The following EXOC7 variants were observed in gnomAD, a reference collection of about 807,000 sequenced individuals.
The protein encoded by EXOC7 is exocyst complex component 7, also known as exocyst complex component Exo70.
In EXOC7, 51 loss-of-function variants were observed where a neutral mutation model predicts 87.6. The ratio of observed to expected loss-of-function variants is 0.58; its 90% CI spans 0.46 to 0.73. The LOEUF is 0.73. Ranked by LOEUF, EXOC7 falls within the 30% of genes least tolerant of loss-of-function variation. The pLI is 0.00. For missense variants in EXOC7, 744 were observed against 888.4 expected, an observed-to-expected ratio of 0.84 and a Z score of 2.07; for synonymous variants, 327 against 357.1, an observed-to-expected ratio of 0.92 and a Z score of 0.95.
At chr17:76,100,881 T>C (rs2068025592) in intron 4 of EXOC7, 1 of 152,980 alleles carries the variant, frequency 6.5e-6, no homozygotes, top group African/African-American at 2.4e-5. Context: ...CTTGGGAGGC[T>C]GAGGTGGGAG....
intron 5 of EXOC7, among the ~76,000 whole-genome samples, chr17:76,096,358 T>C (rs1463335030): frequency 6.6e-6 from 1 of 151,724 alleles, no homozygotes; most frequent in Non-Finnish European, 1.5e-5. Context: ...TACCAAAAAA[T>C]ACAAAAATTA....
Position 76,094,488 on chromosome 17 carries a change from G to A in EXOC7, c.734C>T (p.Ser245Phe). The change falls in exon 6 of 19, where the codon TCT (serine) becomes TTT (phenylalanine). Residue 245 changes from serine to phenylalanine, a missense_variant. Ser to Phe is a radical substitution (Grantham distance 155). Coordinates refer to ENST00000589210, the MANE Select transcript of EXOC7 (RefSeq NM_001013839.4). ...GATAGCAGGGGAGTAGGGAACCCCA[G>A]AGGAAGAACTGCTCTTATGGAAATG... is the stretch of plus-strand genomic sequence containing the variant. ...KEHFHKSSSS[S>F]GVPYSPAIPN... 1.9e-6 allele frequency: 3 copies of A among 1,614,184 alleles called. No individual in the cohort carries two copies. The highest frequency in any genetic ancestry group is 2.2e-5 in the East Asian group (1 of 44,884).
intron 7 of EXOC7, 71 bp from the exon 8 acceptor site, chr17:76,089,391 TC>T: frequency 6.4e-7 from 1 of 1,569,550 alleles, no homozygotes; most frequent in Non-Finnish European, 8.7e-7. Flanking sequence ...GCGGCGTGGG[TC>T]CCCCAGCTCC....
intron 5 of EXOC7, among the ~76,000 whole-genome samples, chr17:76,094,811 T>C (rs771041698): frequency 1.3e-5 from 2 of 151,916 alleles, no homozygotes; most frequent in African/African-American, 2.4e-5. Context: ...AGTGGCACGA[T>C]GTCAGCTCAC....
Position 76,084,234 on chromosome 17 carries a change from G to T in EXOC7, c.1818+14C>A, listed in dbSNP as rs1220415268. 1 of 1,611,014 alleles carries T rather than the reference G, an allele frequency of 6.2e-7. No individual in the cohort carries two copies. The highest frequency in any genetic ancestry group is 2.2e-5 in the East Asian group (1 of 44,824). ...GCAGCAGCAAGCAGTGGAGGGGAGA[G>T]GACCCCGACTCACCTTAAAACGCTC... On this transcript the variant is annotated intron_variant, in intron 17 of 18. Transcript: ENST00000589210.
Position 76,082,669 on chromosome 17 carries a change from G to A in EXOC7, c.*979C>T, listed in dbSNP as rs776733186. 5 of 1,591,646 alleles carry A rather than the reference G, an allele frequency of 3.1e-6. No individual in the cohort carries two copies. The African/African-American group carries it at 6.7e-5, about 21-fold the overall frequency. On this transcript the variant is annotated 3_prime_UTR_variant, in exon 19 of 19. Coordinates refer to ENST00000589210, the MANE Select transcript of EXOC7 (RefSeq NM_001013839.4). ...TAGACTGTAAAGGGGCAGGGCCTGG[G>A]CTGCACACCTTAGGATGAAGTTTGC...
chr17:76,102,299 G>A (rs1338700215), intron 2 of EXOC7, among the ~76,000 whole-genome samples: 1 of 152,084 alleles, frequency 6.6e-6, no homozygotes, highest in African/African-American at 2.4e-5. Flanking sequence ...TAGAGGCTGG[G>A]CGTGATGGTT....
chr17:76,094,787 C>T (rs1178283366), intron 5 of EXOC7, among the ~76,000 whole-genome samples: 1 of 151,792 alleles, frequency 6.6e-6, no homozygotes, highest in Non-Finnish European at 1.5e-5. Context: ...GCTCTGTTGC[C>T]CAGGCTGCAG....
In EXOC7 at chr17:76,088,123, C is replaced by T. The variant is rs760993670; in HGVS notation, c.1300-1G>A. On this transcript the variant is annotated splice_acceptor_variant, in intron 10 of 18. Coordinates refer to ENST00000589210, the MANE Select transcript of EXOC7 (RefSeq NM_001013839.4). LOFTEE classifies it high-confidence loss of function. ...TGTTGTACTCCTTGTCCGGGTCATTCTGTGGAAAAACAGCCTCTGGTTCCC... is the reference window on the plus strand; with the variant it reads ...TGTTGTACTCCTTGTCCGGGTCATTTTGTGGAAAAACAGCCTCTGGTTCCC... The T allele has an allele frequency of 7.4e-6, 12 of 1,613,794 alleles. No homozygotes were observed. The South Asian group carries it at 1.1e-4, about 15-fold the overall frequency.
intron 15 of EXOC7, among the ~76,000 whole-genome samples, chr17:76,084,876 A>G (rs970110871): frequency 6.6e-6 from 1 of 152,228 alleles, no homozygotes; most frequent in Admixed American, 6.5e-5. Flanking sequence ...GAAAGAAAGG[A>G]GTGGAGGGCA....
intron 7 of EXOC7, 159 bp from the exon 8 acceptor site, chr17:76,089,479 G>C: frequency 1.2e-6 from 1 of 857,804 alleles, no homozygotes. Context: ...GAGCCAGCAG[G>C]CCCCGCCAGG....
chr17:76,085,505 A>G, intron 14 of EXOC7, 96 bp from the exon 15 acceptor site: 3 of 1,503,456 alleles, frequency 2.0e-6, no homozygotes, highest in Non-Finnish European at 2.7e-6. Flanking sequence ...ATTGCACCCC[A>G]AACTCCACAA....
chr17:76,081,283 GAGTT>G lies in EXOC7; in HGVS notation c.*2361_*2364del. The G allele has an allele frequency of 6.2e-7, 1 of 1,613,842 alleles. No individual in the cohort carries two copies. The highest frequency in any genetic ancestry group is 8.5e-7 in the Non-Finnish European group (1 of 1,179,992). ...TTCTCATTCCCACCCCTCAGCGATGGAGTTAGAGTTCCAGGCCCACGTGGTGAAC... is the reference window on the plus strand; with the variant it reads ...TTCTCATTCCCACCCCTCAGCGATGGAGAGTTCCAGGCCCACGTGGTGAAC... On this transcript the variant is annotated 3_prime_UTR_variant, in exon 19 of 19. Transcript: ENST00000589210.
intron 18 of EXOC7, 85 bp from the exon 19 acceptor site, chr17:76,083,835 G>C: frequency 6.5e-7 from 1 of 1,531,672 alleles, no homozygotes; most frequent in Non-Finnish European, 9.0e-7. Flanking sequence ...TGATAGTCTT[G>C]GAAGGGGTGG....
At chr17:76,094,174 C>T (rs2067633742) in intron 6 of EXOC7, 2 of 465,200 alleles carry the variant, frequency 4.3e-6, no homozygotes, top group Non-Finnish European at 7.6e-6. Context: ...CTGTGTTACT[C>T]CCCTACTCCA....
chr17:76,092,313 T>C (rs2144648935), intron 6 of EXOC7: 1 of 149,618 alleles, frequency 6.7e-6, no homozygotes, highest in East Asian at 1.9e-4. Flanking sequence ...TTTTTTTTTT[T>C]TGAGACAGTC....
At chr17:76,096,511 C>CAAAAAAAAAA (rs780542530) in intron 5 of EXOC7, among the ~76,000 whole-genome samples, 1 of 70,038 alleles carries the variant, frequency 1.4e-5, no homozygotes, top group Non-Finnish European at 2.6e-5. Flanking sequence ...GACTCTGTCT[C>CAAAAAAAAAA]AAAAAAAAAA....
intron 7 of EXOC7, chr17:76,090,284 A>G (rs752751165): frequency 2.6e-6 from 4 of 1,542,228 alleles, no homozygotes; most frequent in South Asian, 1.2e-5. Flanking sequence ...GACCGCTGCG[A>G]AGGCAGTGTC....
At chr17:76,089,113 A>G in intron 8 of EXOC7, 62 bp downstream of exon 8, 1 of 1,603,146 alleles carries the variant, frequency 6.2e-7, no homozygotes. Flanking sequence ...TGAGGGCTGC[A>G]AGAGTCTGTT....
Sources: gnomAD v4.1 joint callset for allele counts (sites outside exome capture counted in the v4.1 genomes callset) on GRCh38, gnomAD v4.1.1 for gene constraint, MANE v1.5 for transcripts, NCBI Gene and HGNC (gene_info 2026-07-23, HGNC 2026-07-21) for gene names.